The following CORO6 variants were observed in gnomAD, a reference collection of about 807,000 sequenced individuals.
CORO6 encodes coronin-6.
A neutral mutation model predicts 49.0 loss-of-function variants in CORO6; 43 were observed. That is an observed-to-expected ratio of 0.88 (90% confidence interval 0.69 to 1.13). The LOEUF is 1.13. Ranked by LOEUF, CORO6 falls within the 50% of genes most tolerant of loss-of-function variation. CORO6 has a pLI of 0.00. For synonymous variants in CORO6, 233 were observed against 256.5 expected, an observed-to-expected ratio of 0.91 and a Z score of 0.88; for missense variants, 650 against 647.0, an observed-to-expected ratio of 1.00 and a Z score of -0.05.
chr17:29,619,304 T>C, intron 3 of CORO6, 115 bp from the exon 4 acceptor site: 6 of 1,292,074 alleles, frequency 4.6e-6, no homozygotes, highest in Middle Eastern at 1.9e-4. Context: ...AAGGGTCAAA[T>C]ACAGGGCAAG....
rs1567801055 is a variant in CORO6 at position 29,615,330 on chromosome 17, T to TG, written c.*401dup. ...AGAAGCGCTGTCATTTTCCCCAGCC[T>TG]GGGGGTACCCATCAAATCGCCACCC... On this transcript the variant is annotated 3_prime_UTR_variant, in exon 11 of 11. Transcript: ENST00000388767. 1 of 172,434 alleles carries TG rather than the reference T, an allele frequency of 5.8e-6. No homozygotes were observed. The highest frequency in any genetic ancestry group is 2.4e-5 in the African/African-American group (1 of 42,162). 10.7% of individuals were successfully genotyped at this position (172,434 alleles called of 1,614,324 possible).
chr17:29,618,607 G>C, intron 5 of CORO6, 183 bp downstream of exon 5: 1 of 1,418,108 alleles, frequency 7.1e-7, no homozygotes. Flanking sequence ...AGAATTGCAG[G>C]CTGGGGGCTT....
intron 1 of CORO6, 85 bp downstream of exon 1, chr17:29,622,603 G>A (rs899590754): frequency 2.6e-6 from 2 of 769,856 alleles, no homozygotes; most frequent in Admixed American, 1.1e-4. Flanking sequence ...GGCGGCGCGG[G>A]GGGAGGAGGC....
At chr17:29,619,530 G>A in intron 3 of CORO6, 121 bp downstream of exon 3, 1 of 978,316 alleles carries the variant, frequency 1.0e-6, no homozygotes, top group South Asian at 1.5e-5. Context: ...AGCTGGGCAG[G>A]GCAGGGCCCT....
rs999335251 is a variant in CORO6 at position 29,621,450 on chromosome 17, T to C, written c.-29A>G. On this transcript the variant is annotated 5_prime_UTR_variant, in exon 2 of 11. Transcript: ENST00000388767. This position sits in a 1 kb window ranked among gnomAD's most constrained non-coding sequence, Gnocchi z 4.2. ...TGCAGGCAGAGAGGTAGGATCTCAG[T>C]GCCCAGAAATGCCTTTGGTCCTTAG... 24 of 1,570,566 alleles carry C rather than the reference T, an allele frequency of 1.5e-5. No individual in the cohort carries two copies. Among genetic ancestry groups the C allele is most frequent in the Non-Finnish European group, 2.1e-5 (24 of 1,156,790 alleles).
rs1460640916 is a variant in CORO6, at chr17:29,621,942, A to C, written c.-63-458T>G. 1 of 164,048 alleles carries C rather than the reference A, an allele frequency of 6.1e-6. No homozygotes were observed. The allele number at this position is 164,048 out of a possible 1,614,324, so 10.2% of individuals were successfully genotyped here. On this transcript the variant is annotated intron_variant, in intron 1 of 10. Transcript: ENST00000388767. The surrounding 1 kb of genome is among the most constrained non-coding windows in gnomAD (Gnocchi z 4.2). ...AGCCACCACAGGATACCGAACTCGC[A>C]TCTCTGGAATAGTTCAGGCAGATGG...
rs1245785256 is a variant in CORO6 at position 29,621,520 on chromosome 17, G to A, written c.-63-36C>T. 1.4e-5 allele frequency: 22 copies of A among 1,529,092 alleles called. No individual in the cohort carries two copies. Among genetic ancestry groups the A allele is most frequent in the Non-Finnish European group, 1.4e-5 (16 of 1,134,250 alleles). 94.7% of individuals were successfully genotyped at this position (1,529,092 alleles called of 1,614,324 possible). On this transcript the variant is annotated intron_variant, in intron 1 of 10. Transcript: ENST00000388767. The surrounding 1 kb of genome is among the most constrained non-coding windows in gnomAD (Gnocchi z 4.2). The stretch of plus-strand genomic sequence containing the variant: ...GAGGAGGAGTGGAGGGGTGGCTGAT[G>A]AGAAGGGTTATGTGGTCAGGAGTCA...
chr17:29,615,729 G>T lies in CORO6; in HGVS notation c.*3C>A. ...CCCCGCTCCGCCTGCCTGGCGCGCG[G>T]GGCTAGTCCGTGCCGTCCACCAGCT... On this transcript the variant is annotated 3_prime_UTR_variant, in exon 11 of 11. Transcript: ENST00000388767. 1 of 1,536,332 alleles carries T rather than the reference G, an allele frequency of 6.5e-7. No individual in the cohort carries two copies.
In CORO6 at chr17:29,621,541, A is replaced by C. The variant is rs1432020887; in HGVS notation, c.-63-57T>G. ...TGATGAGAAGGGTTATGTGGTCAGG[A>C]GTCAGGTATAAATCCATATAGTGTC... is the stretch of plus-strand genomic sequence containing the variant. On this transcript the variant is annotated intron_variant, in intron 1 of 10. Transcript: ENST00000388767. The surrounding 1 kb of genome is among the most constrained non-coding windows in gnomAD (Gnocchi z 4.2). The C allele has an allele frequency of 6.7e-7, 1 of 1,495,230 alleles. No individual in the cohort carries two copies. Among genetic ancestry groups the C allele is most frequent in the Non-Finnish European group, 9.0e-7 (1 of 1,114,312 alleles). The allele number at this position is 1,495,230 out of a possible 1,614,324, so 92.6% of individuals were successfully genotyped here.
In CORO6 at chr17:29,616,994, C is replaced by T. The variant is rs2034987592; in HGVS notation, c.802G>A (p.Gly268Arg). The T allele has an allele frequency of 6.2e-7, 1 of 1,613,790 alleles. No individual in the cohort carries two copies. The highest frequency in any genetic ancestry group is 8.5e-7 in the Non-Finnish European group (1 of 1,180,020). Residue 268 changes from glycine (G) to arginine (R), a missense_variant, in exon 7 of 11, where the codon GGG becomes AGG. Transcript: ENST00000388767. The surrounding 1 kb of genome is among the most constrained non-coding windows in gnomAD (Gnocchi z 5.6). ...VALQEMDTSNGVLLPFYDPDS... is the reference protein window; with the variant it reads ...VALQEMDTSNRVLLPFYDPDS... ...GGATCGTAAAAGGGCAATAGGACCC[C>T]GTTGCTTGTGTCCATCTCCTGCAGT...
chr17:29,619,912 A>G, intron 2 of CORO6, 139 bp from the exon 3 acceptor site: 1 of 697,718 alleles, frequency 1.4e-6, no homozygotes, highest in East Asian at 2.7e-5. Context: ...AACCCCATCC[A>G]GTCCACTTCC....
At chr17:29,618,267 AC>A (rs1375943905) in intron 5 of CORO6, 1 of 1,301,278 alleles carries the variant, frequency 7.7e-7, no homozygotes, top group African/African-American at 1.5e-5. Context: ...ACGCACCCGC[AC>A]CCCAGGTTAG....
chr17:29,617,061 C>T lies in CORO6; in HGVS notation c.754-19G>A. ...AGTTGTTCTGCCCGAGCACAGGAGG[C>T]GTGACCAGCCCTGCCCCACCCTCCC... is the stretch of plus-strand genomic sequence containing the variant. On this transcript the variant is annotated intron_variant, in intron 6 of 10. Transcript: ENST00000388767. The T allele has an allele frequency of 6.2e-7, 1 of 1,610,488 alleles. No individual in the cohort carries two copies. Among genetic ancestry groups the T allele is most frequent in the African/African-American group, 1.3e-5 (1 of 75,018 alleles).
rs1466837782 is a variant in CORO6, at chr17:29,615,474, G to GC, written c.*257dup. The stretch of plus-strand genomic sequence containing the variant: ...CCTCGCCGTGCAGCACCATTGCTGA[G>GC]CCCCCCAGGTTACCCCAGGCCTCCC... On this transcript the variant is annotated 3_prime_UTR_variant, in exon 11 of 11. Transcript: ENST00000388767. 6.4e-6 allele frequency: 3 copies of GC among 465,290 alleles called. No individual in the cohort carries two copies. Among genetic ancestry groups the GC allele is most frequent in the East Asian group, 3.6e-5 (1 of 28,166 alleles). 28.8% of individuals were successfully genotyped at this position (465,290 alleles called of 1,614,324 possible).
chr17:29,616,685 G>C lies in CORO6; in HGVS notation c.1004+17C>G. ...ACAGAGGCGGGTAGGTGTTCAGGAG[G>C]GGCCAAGGCTGCTGACCGGGCGATC... On this transcript the variant is annotated intron_variant, in intron 8 of 10. Coordinates refer to ENST00000388767, the MANE Select transcript of CORO6 (RefSeq NM_032854.4). The surrounding 1 kb of genome is among the most constrained non-coding windows in gnomAD (Gnocchi z 5.6). 1 of 1,605,216 alleles carries C rather than the reference G, an allele frequency of 6.2e-7. No homozygotes were observed. The highest frequency in any genetic ancestry group is 8.5e-7 in the Non-Finnish European group (1 of 1,172,986).
In CORO6 at chr17:29,615,670, A is replaced by G. The variant is rs1194235027; in HGVS notation, c.*62T>C. ...AAGGCGGGGTCCGGAGTTCGGGACT[A>G]AAAGCCGGGGCGGGGCCGAGCTTGT... is the stretch of plus-strand genomic sequence containing the variant. On this transcript the variant is annotated 3_prime_UTR_variant, in exon 11 of 11. Transcript: ENST00000388767. 6.3e-6 allele frequency: 9 copies of G among 1,428,980 alleles called. No individual in the cohort carries two copies. The African/African-American group carries it at 1.2e-4, about 19-fold the overall frequency. 88.5% of individuals were successfully genotyped at this position (1,428,980 alleles called of 1,614,324 possible).
chr17:29,622,803 G>A lies in CORO6; in HGVS notation c.-179C>T. On this transcript the variant is annotated 5_prime_UTR_variant, in exon 1 of 11. Transcript: ENST00000388767. ...GAAGGAGCCACCTCTCCGGGTGTCT[G>A]TAGTATCTGGGACCCGGGTGTCCAG... The A allele has an allele frequency of 1.5e-6, 2 of 1,313,838 alleles. No individual in the cohort carries two copies. The highest frequency in any genetic ancestry group is 2.4e-5 in the South Asian group (2 of 81,646). The allele number at this position is 1,313,838 out of a possible 1,614,324, so 81.4% of individuals were successfully genotyped here.
At chr17:29,617,263 C>T in intron 6 of CORO6, 2 of 1,534,506 alleles carry the variant, frequency 1.3e-6, no homozygotes, top group Non-Finnish European at 8.7e-7. Flanking sequence ...CGCATGCAGT[C>T]ACAGCAAACC....
In CORO6 at chr17:29,619,186, A is replaced by T. The variant is rs575132754; in HGVS notation, c.325T>A (p.Trp109Arg). ...SASDDTTIMV[W>R]QIPDYTPMRN... Reference sequence around the variant, plus strand: ...ATGGGGGTATAGTCTGGAATCTGCCACACCTGGGTAGGAAGAAAAGGTATA... The same window carrying T: ...ATGGGGGTATAGTCTGGAATCTGCCTCACCTGGGTAGGAAGAAAAGGTATA... The change falls in exon 4 of 11, where the codon TGG becomes AGG. Residue 109 changes from tryptophan (W) to arginine (R), a missense_variant. Trp to Arg is a moderately radical substitution (Grantham distance 101, BLOSUM62 -3). Transcript: ENST00000388767. The T allele has an allele frequency of 1.2e-6, 2 of 1,613,470 alleles. No homozygotes were observed. Among genetic ancestry groups the T allele is most frequent in the South Asian group, 1.1e-5 (1 of 91,060 alleles).
Sources: allele counts gnomAD v4.1 joint callset, GRCh38; gene constraint gnomAD v4.1.1; non-coding constraint Gnocchi (gnomAD v3.1); transcripts MANE v1.5; gene names NCBI Gene and HGNC (gene_info 2026-07-23, HGNC 2026-07-21).